RHPN2: variants seen among roughly 807,000 people sequenced by gnomAD.
RHPN2 encodes the protein rhophilin Rho GTPase binding protein 2, also known as rhophilin-2.
In RHPN2, 40 loss-of-function variants were observed where a neutral mutation model predicts 79.0. That is an observed-to-expected ratio of 0.51 (90% CI 0.39 to 0.66). The LOEUF is 0.66. RHPN2 is among the 30% of genes least tolerant of loss of function. The probability of loss-of-function intolerance (pLI) is 0.00; values close to 1 mark genes in which losing one functional copy is unlikely to be tolerated. For missense variants in RHPN2, 686 were observed against 883.5 expected, an observed-to-expected ratio of 0.78 and a Z score of 2.83; for synonymous variants, 285 against 363.5, an observed-to-expected ratio of 0.78 and a Z score of 2.46.
At chr19:33,045,993 C>T (rs1329566034) in intron 1 of RHPN2, among the ~76,000 whole-genome samples, 1 of 152,144 alleles carries the variant, frequency 6.6e-6, no homozygotes, top group African/African-American at 2.4e-5. Context: ...ATGATGTTCT[C>T]AAGGTTTATC....
intron 4 of RHPN2, among the ~76,000 whole-genome samples, chr19:33,016,051 A>AAAACAAAC (rs35684570): frequency 2.7e-4 from 40 of 150,822 alleles, no homozygotes; most frequent in South Asian, 1.3e-3. Context: ...CTCTGTTTCA[A>AAAACAAAC]AAACAAACAA....
At chr19:33,055,334 T>C (rs1036359631) in intron 1 of RHPN2, among the ~76,000 whole-genome samples, 1 of 151,752 alleles carries the variant, frequency 6.6e-6, no homozygotes, top group Non-Finnish European at 1.5e-5. Flanking sequence ...CACTCCAGCC[T>C]GGGTGACACA....
chr19:32,992,214 T>C (rs1971665994), intron 12 of RHPN2: 3 of 487,916 alleles, frequency 6.1e-6, no homozygotes, highest in Admixed American at 3.3e-5. Context: ...CTTTTTCTCT[T>C]TTTTTTTGAG....
intron 7 of RHPN2, among the ~76,000 whole-genome samples, chr19:33,005,689 ACACTCCCCAC>A (rs1971785328): frequency 6.7e-6 from 1 of 149,994 alleles, no homozygotes; most frequent in South Asian, 2.1e-4. Context: ...GGGTTCCCTC[ACACTCCCCAC>A]TGTTCTCCTA....
rs150864829 is a variant in RHPN2 at position 33,055,508 on chromosome 19, G to A, written c.69+9276C>T. ...GGGGATGGATCTAAACAGCCGGAGG[G>A]GTAGTATCAGTACCAATAGAGCTGG... On this transcript the variant is annotated intron_variant, in intron 1 of 14. Coordinates refer to ENST00000254260, the MANE Select transcript of RHPN2 (RefSeq NM_033103.5). Among the ~76,000 whole-genome samples the A allele has an allele frequency of 1.1e-4, 17 of 152,104 alleles. No homozygotes were observed. In the East Asian group the frequency reaches 3.1e-3, roughly 28 times the overall value.
chr19:32,995,954 C>G, intron 11 of RHPN2, 72 bp downstream of exon 11: 1 of 1,470,518 alleles, frequency 6.8e-7, no homozygotes, highest in Non-Finnish European at 9.5e-7. Context: ...CTCGCTCAAC[C>G]CCCACAGGCC....
At chr19:33,001,837 C>G (rs1355837744) in intron 9 of RHPN2, among the ~76,000 whole-genome samples, 3 of 152,170 alleles carry the variant, frequency 2.0e-5, no homozygotes, top group African/African-American at 7.2e-5. Context: ...CTCCTGACCT[C>G]AAATGATCTG....
intron 10 of RHPN2, 38 bp from the exon 11 acceptor site, chr19:32,996,258 C>T: frequency 6.2e-7 from 1 of 1,612,484 alleles, no homozygotes; most frequent in Non-Finnish European, 8.5e-7. Flanking sequence ...ACTTGCAGAT[C>T]CACCAAGCAG....
chr19:33,030,564 G>A (rs1040794549), intron 2 of RHPN2, among the ~76,000 whole-genome samples: 4 of 152,090 alleles, frequency 2.6e-5, no homozygotes, highest in South Asian at 2.1e-4. Flanking sequence ...CTGCACACCA[G>A]CCTGGGTGAC....
chr19:32,994,225 A>G (rs944245395), intron 11 of RHPN2, among the ~76,000 whole-genome samples, 172 bp from the exon 12 acceptor site: 1 of 152,010 alleles, frequency 6.6e-6, no homozygotes, highest in African/African-American at 2.4e-5. Flanking sequence ...GTGAAACCCC[A>G]TCTCTATTAA....
Position 32,980,050 on chromosome 19 carries a change from C to T in RHPN2, c.2007G>A (p.Lys669=), listed in dbSNP as rs139554864. The change falls in exon 15 of 15, where the codon AAG becomes AAA. Residue 669 remains lysine, a synonymous_variant. Transcript: ENST00000254260. ...GGCTGAAAGGGGAGGGCAGCTTCTT[C>T]TTGACCTGAGGCCGTGCAGCCCCGA... ...PSVGAARPQV[K]KKLPSPFSLL... is the part of the protein sequence containing the mutation. 9.9e-6 allele frequency: 16 copies of T among 1,613,832 alleles called. No individual in the cohort carries two copies. The highest frequency in any genetic ancestry group is 1.3e-5 in the Non-Finnish European group (15 of 1,179,856).
At chr19:33,041,902 G>C (rs902315353) in intron 2 of RHPN2, among the ~76,000 whole-genome samples, 1 of 152,174 alleles carries the variant, frequency 6.6e-6, no homozygotes, top group Admixed American at 6.6e-5. Flanking sequence ...GTGCTCAATA[G>C]CCAGGCACAG....
intron 1 of RHPN2, among the ~76,000 whole-genome samples, chr19:33,052,989 T>C (rs1317736592): frequency 2.0e-5 from 3 of 151,282 alleles, no homozygotes; most frequent in Non-Finnish European, 1.5e-5. Flanking sequence ...TTTTTTTTTT[T>C]GAGACGAAGT....
At chr19:33,018,063 G>A (rs1370755000) in intron 4 of RHPN2, among the ~76,000 whole-genome samples, 1 of 152,048 alleles carries the variant, frequency 6.6e-6, no homozygotes, top group African/African-American at 2.4e-5. Context: ...CTGAGGCAGA[G>A]AATTGCTTGA....
chr19:33,044,330 T>C lies in RHPN2; in HGVS notation c.104A>G (p.Lys35Arg). The C allele has an allele frequency of 6.2e-7, 1 of 1,614,104 alleles. No homozygotes were observed. Among genetic ancestry groups the C allele is most frequent in the Non-Finnish European group, 8.5e-7 (1 of 1,180,014 alleles). The stretch of plus-strand genomic sequence containing the variant: ...CAAAGCAGCTCTTTGATTCTGCAAT[T>C]TACTCCGGCCGGTTTGTGCAAGGGG... ...CNPLAQTGRS[K>R]LQNQRAALNQ... is the part of the protein sequence containing the mutation. The change falls in exon 2 of 15, where the codon AAA becomes AGA. Residue 35 changes from lysine to arginine, a missense_variant. Lys to Arg is a conservative substitution (Grantham distance 26). Coordinates refer to ENST00000254260, the MANE Select transcript of RHPN2 (RefSeq NM_033103.5).
intron 3 of RHPN2, among the ~76,000 whole-genome samples, chr19:33,024,481 G>A (rs887776072): frequency 1.3e-5 from 2 of 152,108 alleles, no homozygotes; most frequent in African/African-American, 2.4e-5. Flanking sequence ...GGAGCCCACA[G>A]GTAAGCCAGG....
At chr19:33,034,007 C>T (rs1297306027) in intron 2 of RHPN2, among the ~76,000 whole-genome samples, 1 of 133,034 alleles carries the variant, frequency 7.5e-6, no homozygotes, top group African/African-American at 3.2e-5. Flanking sequence ...TGTCTCCCCC[C>T]TCCCATCTTG....
At chr19:33,028,669 C>G (rs138330080) in intron 2 of RHPN2, among the ~76,000 whole-genome samples, 62 of 152,150 alleles carry the variant, frequency 4.1e-4, no homozygotes, top group African/African-American at 1.5e-3. Context: ...AGATATCAAG[C>G]CTCCTTAGTT....
In RHPN2 at chr19:32,979,903, CAGAT is replaced by C. The variant is rs1281390261; in HGVS notation, c.*89_*92del. The C allele has an allele frequency of 1.9e-4, 276 of 1,444,204 alleles. 2 individuals carry two copies. The highest frequency in any genetic ancestry group is 7.9e-4 in the South Asian group (68 of 85,912). 89.5% of individuals were successfully genotyped at this position (1,444,204 alleles called of 1,614,324 possible). ...CTATGAGAAAAACAGGATTTGAGAA[CAGAT>C]AGATAGATATTTTCCATTATGGCAC... On this transcript the variant is annotated 3_prime_UTR_variant, in exon 15 of 15. Coordinates refer to ENST00000254260, the MANE Select transcript of RHPN2 (RefSeq NM_033103.5).
Sources: allele counts gnomAD v4.1 joint callset (sites outside exome capture counted in the v4.1 genomes callset), GRCh38; gene constraint gnomAD v4.1.1; transcripts MANE v1.5; gene names NCBI Gene and HGNC (gene_info 2026-07-23, HGNC 2026-07-21).